The following IQSEC3 variants were observed in gnomAD, a reference collection of about 807,000 sequenced individuals.
The protein encoded by IQSEC3 is IQ motif and Sec7 domain ArfGEF 3.
IQSEC3 carries 50 observed loss-of-function variants against 105.4 expected under a neutral mutation model. The ratio of observed to expected loss-of-function variants is 0.47; its 90% CI spans 0.38 to 0.60. The LOEUF is 0.60. Ranked by LOEUF, IQSEC3 falls within the 20% of genes least tolerant of loss-of-function variation. The probability of loss-of-function intolerance (pLI) is 0.00; values close to 1 mark genes in which losing one functional copy is unlikely to be tolerated. For synonymous variants in IQSEC3, 708 were observed against 746.0 expected (o/e 0.95, Z 0.83); for missense variants, 1,415 against 1,630.0 (o/e 0.87, Z 2.27).
chr12:149,300 A>C (rs1180579773), intron 5 of IQSEC3: 4 of 151,964 alleles, frequency 2.6e-5, no homozygotes, highest in African/African-American at 9.7e-5. Context: ...CTCAGCACTC[A>C]CTCACTTGCA....
chr12:161,101 C>T (rs1237466275), intron 7 of IQSEC3, among the ~76,000 whole-genome samples: 2 of 152,138 alleles, frequency 1.3e-5, no homozygotes, highest in Non-Finnish European at 2.9e-5. Context: ...CAGAGCAGGC[C>T]GGGAGCTGCG....
chr12:126,572 T>TGTGC lies in IQSEC3; in HGVS notation c.903+661_903+662insTGCG, dbSNP rs1260117695. Among the ~76,000 whole-genome samples, 602 of 151,500 alleles carry TGTGC rather than the reference T, an allele frequency of 4.0e-3. 8 individuals are homozygous for TGTGC. Among genetic ancestry groups the TGTGC allele is most frequent in the African/African-American group, 0.014 (579 of 41,286 alleles). ...GTGTGTGTGTGTGTGTGTGTGTGTGTGCGCTTAGAGAAAGGTGTGATGGTG... is the reference window on the plus strand; with the variant it reads ...GTGTGTGTGTGTGTGTGTGTGTGTGTGTGCGCGCTTAGAGAAAGGTGTGATGGTG... On this transcript the variant is annotated intron_variant, in intron 3 of 13. Transcript: ENST00000538872.
intron 1 of IQSEC3, among the ~76,000 whole-genome samples, chr12:89,082 G>T (rs1357920331): frequency 1.3e-5 from 2 of 152,048 alleles, no homozygotes; most frequent in South Asian, 2.1e-4. Flanking sequence ...GTAGGGGCTG[G>T]GTCTGCATCT....
At position 134,847 on chromosome 12, in the gene IQSEC3, C is replaced by T. The variant is rs552471080; in HGVS notation, c.904-3420C>T. Among the ~76,000 whole-genome samples, 16 of 151,278 alleles carry T rather than the reference C, an allele frequency of 1.1e-4. 1 individual carries two copies. Among genetic ancestry groups the T allele is most frequent in the African/African-American group, 2.4e-4 (10 of 41,020 alleles). On this transcript the variant is annotated intron_variant, in intron 3 of 13. Coordinates refer to ENST00000538872, the MANE Select transcript of IQSEC3 (RefSeq NM_001170738.2). ...ACGGGAAAGAAATGTGAAATCTGGC[C>T]GGGCACGGTGGCTCACGCCTGTAAT...
At position 157,532 on chromosome 12, in the gene IQSEC3, C is replaced by T. The variant is rs782219198; in HGVS notation, c.2281C>T (p.Arg761Cys). 8 of 1,611,892 alleles carry T rather than the reference C, an allele frequency of 5.0e-6. No homozygotes were observed. The highest frequency in any genetic ancestry group is 2.7e-5 in the African/African-American group (2 of 74,932). Residue 761 changes from arginine (R) to cysteine (C), a missense_variant, in exon 7 of 14, where the codon CGC (arginine) becomes TGC (cysteine). Physicochemically the swap from Arg to Cys is radical, Grantham distance 180 (BLOSUM62 -3). This residue lies in a region of IQSEC3 where 213 missense variants were observed against 306.2 expected (regional missense o/e 0.70). Coordinates refer to ENST00000538872, the MANE Select transcript of IQSEC3 (RefSeq NM_001170738.2). ...VERLIEAFSQ[R>C]YCMCNPEVVQ... is the part of the protein sequence containing the mutation. ...CTGCATCTGACCCCCCCACAGCCAG[C>T]GCTACTGCATGTGCAACCCCGAAGT...
At chr12:151,510 G>T (rs535921016) in intron 5 of IQSEC3, among the ~76,000 whole-genome samples, 8 of 152,288 alleles carry the variant, frequency 5.3e-5, no homozygotes, top group African/African-American at 1.9e-4. Flanking sequence ...GACCTCTGCA[G>T]TAGCATCCTA....
At chr12:69,756 A>G (rs1246582345) in intron 1 of IQSEC3, among the ~76,000 whole-genome samples, 8 of 152,222 alleles carry the variant, frequency 5.3e-5, no homozygotes, top group Admixed American at 5.2e-4. Context: ...GCCCAACTTC[A>G]ACACCAATTT....
intron 12 of IQSEC3, among the ~76,000 whole-genome samples, chr12:170,509 G>T (rs150175978): frequency 6.6e-6 from 1 of 152,252 alleles, no homozygotes. Flanking sequence ...AATGAGAGGG[G>T]CTCCTGCGGG....
At chr12:166,045 G>A (rs1555098372) in intron 11 of IQSEC3, 155 bp downstream of exon 11, 1 of 746,348 alleles carries the variant, frequency 1.3e-6, no homozygotes, top group Non-Finnish European at 2.1e-6. Flanking sequence ...CACAGCCCGG[G>A]TGGGAGCACC....
In IQSEC3 at chr12:174,705, A is replaced by G. The variant is rs1304226254; in HGVS notation, c.3221A>G (p.Gln1074Arg). The G allele has an allele frequency of 1.3e-6, 2 of 1,593,438 alleles. No individual in the cohort carries two copies. The highest frequency in any genetic ancestry group is 1.7e-5 in the Admixed American group (1 of 59,566). Reference protein sequence around the residue: ...PPDLQPSPPRQQTPPLPPPPP... With the variant: ...PPDLQPSPPRRQTPPLPPPPP... ...GACCTGCAGCCTAGCCCCCCGAGAC[A>G]GCAGACCCCACCACTGCCGCCGCCG... is the stretch of plus-strand genomic sequence containing the variant. Residue 1074 changes from glutamine to arginine, a missense_variant, in exon 14 of 14, where the codon CAG becomes CGG. Gln to Arg is a conservative substitution (Grantham distance 43). Transcript: ENST00000538872.
chr12:72,216 C>T (rs1330868701), intron 1 of IQSEC3, among the ~76,000 whole-genome samples: 1 of 152,124 alleles, frequency 6.6e-6, no homozygotes, highest in Non-Finnish European at 1.5e-5. Flanking sequence ...AAGGAAACAA[C>T]AGTTGGTCCT....
chr12:76,194 G>A (rs1202339149), intron 1 of IQSEC3, among the ~76,000 whole-genome samples: 2 of 152,196 alleles, frequency 1.3e-5, no homozygotes, highest in Non-Finnish European at 2.9e-5. Context: ...GGGAAAGGAG[G>A]CTGGCATTGT....
chr12:87,593 T>C (rs571349877), intron 1 of IQSEC3, among the ~76,000 whole-genome samples: 1 of 152,290 alleles, frequency 6.6e-6, no homozygotes, highest in South Asian at 2.1e-4. Flanking sequence ...ACAACTCTTT[T>C]TGGAAGACTG....
At position 141,216 on chromosome 12, in the gene IQSEC3, G is replaced by A; in HGVS notation, c.2084G>A (p.Gly695Asp). The change falls in exon 5 of 14, where the codon GGC (glycine) becomes GAC (aspartate). Residue 695 changes from glycine to aspartate, a missense_variant. Physicochemically the swap from Gly to Asp is moderately conservative, Grantham distance 94 (BLOSUM62 -1). This residue lies in a region of IQSEC3 where 213 missense variants were observed against 306.2 expected (regional missense o/e 0.70). Coordinates refer to ENST00000538872, the MANE Select transcript of IQSEC3 (RefSeq NM_001170738.2). The stretch of plus-strand genomic sequence containing the variant: ...GCCCATTTCCTCCTCCAGCGAAAGG[G>A]CCTCAGCCGCCAGATGATTGGAGAG... ...GVAHFLLQRK[G>D]LSRQMIGEFL... 1 of 1,613,960 alleles carries A rather than the reference G, an allele frequency of 6.2e-7. No homozygotes were observed. Among genetic ancestry groups the A allele is most frequent in the Non-Finnish European group, 8.5e-7 (1 of 1,179,988 alleles).
At chr12:97,730 C>T (rs782393407) in intron 1 of IQSEC3, among the ~76,000 whole-genome samples, 1 of 152,086 alleles carries the variant, frequency 6.6e-6, no homozygotes, top group Non-Finnish European at 1.5e-5. Context: ...CCCAGAAGGC[C>T]AAGGTTACAG....
chr12:90,586 A>G (rs999346329), intron 1 of IQSEC3, among the ~76,000 whole-genome samples: 12 of 107,826 alleles, frequency 1.1e-4, no homozygotes, highest in Middle Eastern at 9.2e-3. Flanking sequence ...AAAGTTTATC[A>G]TTCCTTTTTG....
At chr12:96,213 T>C (rs1158725087) in intron 1 of IQSEC3, among the ~76,000 whole-genome samples, 2 of 152,142 alleles carry the variant, frequency 1.3e-5, no homozygotes, top group African/African-American at 4.8e-5. Context: ...GATTCAAAGA[T>C]TTTCTGATTG....
chr12:127,324 G>A (rs1865448700), intron 3 of IQSEC3, among the ~76,000 whole-genome samples: 1 of 151,956 alleles, frequency 6.6e-6, no homozygotes, highest in African/African-American at 2.4e-5. Context: ...TTTGAGACCA[G>A]CCCGCCCAAT....
intron 13 of IQSEC3, 140 bp from the exon 14 acceptor site, chr12:174,459 T>G: frequency 5.1e-6 from 4 of 777,974 alleles, no homozygotes; most frequent in African/African-American, 1.8e-5. Flanking sequence ...CCAGTCTTCT[T>G]GTGGGTGGAG....
Sources: allele counts gnomAD v4.1 joint callset (sites outside exome capture counted in the v4.1 genomes callset), GRCh38; gene constraint gnomAD v4.1.1; regional missense constraint gnomAD v4.1.1; transcripts MANE v1.5; gene names NCBI Gene and HGNC (gene_info 2026-07-23, HGNC 2026-07-21).